ZNF385D: variants seen among roughly 807,000 people sequenced by gnomAD.
The protein encoded by ZNF385D is zinc finger protein 659.
Under a neutral mutation model 35.8 loss-of-function variants are expected in ZNF385D, and 15 were observed. The observed-to-expected ratio is 0.42, with a 90% confidence interval of 0.28 to 0.64. ZNF385D has a LOEUF of 0.64. ZNF385D is among the 30% of genes least tolerant of loss of function. ZNF385D has a pLI of 0.23. For synonymous variants in ZNF385D, 212 were observed against 186.8 expected (o/e 1.13, Z -1.10); for missense variants, 474 against 494.6 (o/e 0.96, Z 0.39).
At chr3:22,114,923 A>G (rs971466213) in intron 3 of ZNF385D, among the ~76,000 whole-genome samples, 2 of 152,014 alleles carry the variant, frequency 1.3e-5, no homozygotes, top group South Asian at 2.1e-4. Flanking sequence ...CACCATGTGA[A>G]AGCACAGCAA....
chr3:21,750,786 T>G (rs1575588041), intron 1 of ZNF385D, 109 bp downstream of exon 1: 1 of 1,373,654 alleles, frequency 7.3e-7, no homozygotes. Context: ...CAACTGGAGG[T>G]AGGTTTAATG....
chr3:21,675,014 G>C (rs1359517161), intron 1 of ZNF385D, among the ~76,000 whole-genome samples: 1 of 152,018 alleles, frequency 6.6e-6, no homozygotes, highest in African/African-American at 2.4e-5. Context: ...CTGAGATATT[G>C]TACCCATTTT....
At chr3:21,849,339 G>C (rs909651346) in intron 3 of ZNF385D, among the ~76,000 whole-genome samples, 1 of 152,042 alleles carries the variant, frequency 6.6e-6, no homozygotes, top group South Asian at 2.1e-4. Flanking sequence ...TACTTAAAGA[G>C]TTTGTGAATT....
At chr3:22,305,281 T>C (rs1703142469) in intron 2 of ZNF385D, among the ~76,000 whole-genome samples, 1 of 152,220 alleles carries the variant, frequency 6.6e-6, no homozygotes, top group Admixed American at 6.5e-5. Context: ...TGCTACTTTT[T>C]TGTTGTTTCA....
intron 3 of ZNF385D, among the ~76,000 whole-genome samples, chr3:22,075,811 C>T (rs984538243): frequency 2.6e-5 from 4 of 151,876 alleles, no homozygotes; most frequent in African/African-American, 7.2e-5. Context: ...CTTTGCAAAC[C>T]GCAGGAACAT....
At chr3:22,004,843 T>C (rs1480727080) in intron 3 of ZNF385D, among the ~76,000 whole-genome samples, 7 of 152,086 alleles carry the variant, frequency 4.6e-5, no homozygotes, top group Non-Finnish European at 1.5e-5. Context: ...ACTGAACAAA[T>C]GTACATCTCA....
At chr3:21,913,957 G>A (rs1366155880) in intron 3 of ZNF385D, among the ~76,000 whole-genome samples, 1 of 152,076 alleles carries the variant, frequency 6.6e-6, no homozygotes, top group African/African-American at 2.4e-5. Flanking sequence ...TTTGTATTAT[G>A]TGGCCTTTCA....
chr3:22,068,444 TTTTC>T (rs1480588736), intron 3 of ZNF385D, among the ~76,000 whole-genome samples: 7 of 152,300 alleles, frequency 4.6e-5, no homozygotes, highest in Non-Finnish European at 8.8e-5. Flanking sequence ...CTCTTTTTCC[TTTTC>T]TTTTTCTGTC....
chr3:22,002,078 T>C (rs539369862), intron 3 of ZNF385D, among the ~76,000 whole-genome samples: 7 of 149,774 alleles, frequency 4.7e-5, no homozygotes, highest in African/African-American at 1.2e-4. Context: ...GAAAAGGAAA[T>C]AAATAATACA....
chr3:21,867,151 G>T (rs1432935321), intron 3 of ZNF385D, among the ~76,000 whole-genome samples: 1 of 152,082 alleles, frequency 6.6e-6, no homozygotes, highest in African/African-American at 2.4e-5. Context: ...GATAAACACT[G>T]TGTCCTCACA....
At chr3:22,316,627 T>C (rs755957740) in intron 2 of ZNF385D, among the ~76,000 whole-genome samples, 1 of 152,188 alleles carries the variant, frequency 6.6e-6, no homozygotes, top group African/African-American at 2.4e-5. Flanking sequence ...CACTTAATGA[T>C]TTTGAGCAAC....
chr3:21,466,354 C>T (rs1703516062), intron 4 of ZNF385D, among the ~76,000 whole-genome samples: 2 of 152,062 alleles, frequency 1.3e-5, no homozygotes. Flanking sequence ...TATTCTTTTC[C>T]TTGAAAAGAA....
At chr3:22,335,680 T>C (rs1471416906) in intron 2 of ZNF385D, among the ~76,000 whole-genome samples, 2 of 152,166 alleles carry the variant, frequency 1.3e-5, no homozygotes, top group African/African-American at 2.4e-5. Flanking sequence ...AGCATTGACA[T>C]ATATGTTTAT....
intron 3 of ZNF385D, among the ~76,000 whole-genome samples, chr3:21,766,242 A>T (rs766210875): frequency 2.6e-5 from 4 of 152,066 alleles, no homozygotes; most frequent in Non-Finnish European, 5.9e-5. Flanking sequence ...ATTTGTGAAG[A>T]TTTACATAGA....
chr3:21,496,495 AT>A (rs913699661), intron 4 of ZNF385D, among the ~76,000 whole-genome samples: 22 of 139,064 alleles, frequency 1.6e-4, no homozygotes, highest in Non-Finnish European at 3.0e-4. Context: ...CATATATTTG[AT>A]ATATATATCA....
intron 3 of ZNF385D, among the ~76,000 whole-genome samples, chr3:22,103,160 G>A (rs1025618729): frequency 6.6e-6 from 1 of 150,802 alleles, no homozygotes; most frequent in East Asian, 2.0e-4. Flanking sequence ...AGATACTGCG[G>A]TTGTACAAAC....
chr3:21,432,523 T>C (rs1294816417), intron 5 of ZNF385D, among the ~76,000 whole-genome samples: 2 of 152,104 alleles, frequency 1.3e-5, no homozygotes, highest in Non-Finnish European at 2.9e-5. Flanking sequence ...TTTTTTTCTT[T>C]CAAATTTTAC....
At chr3:21,667,589 G>T (rs1348180372) in intron 1 of ZNF385D, among the ~76,000 whole-genome samples, 5 of 152,198 alleles carry the variant, frequency 3.3e-5, no homozygotes, top group African/African-American at 1.2e-4. Flanking sequence ...TAGAGAAAAA[G>T]AAATATGTTG....
intron 3 of ZNF385D, among the ~76,000 whole-genome samples, chr3:21,535,052 T>G (rs2062004744): frequency 6.6e-6 from 1 of 152,060 alleles, no homozygotes; most frequent in South Asian, 2.1e-4. Context: ...GCAACAGGAA[T>G]ATAATATCTT....
Sources: gnomAD v4.1 joint callset for allele counts (sites outside exome capture counted in the v4.1 genomes callset) on GRCh38, gnomAD v4.1.1 for gene constraint, MANE v1.5 for transcripts, NCBI Gene and HGNC (gene_info 2026-07-23, HGNC 2026-07-21) for gene names.